KIF7: variants seen among roughly 807,000 people sequenced by gnomAD.
KIF7 encodes the protein kinesin-like protein KIF7.
In KIF7, 104 loss-of-function variants were observed where a neutral mutation model predicts 135.7. The ratio of observed to expected loss-of-function variants is 0.77; its 90% CI spans 0.65 to 0.90. KIF7 has a LOEUF of 0.90. KIF7 is among the 40% of genes least tolerant of loss of function. The pLI is 0.00. For synonymous variants in KIF7, 883 were observed against 809.4 expected, an observed-to-expected ratio of 1.09 and a Z score of -1.54; for missense variants, 2,005 against 1,839.1, an observed-to-expected ratio of 1.09 and a Z score of -1.65.
chr15:89,636,911 T>C (rs1405937800), intron 11 of KIF7, among the ~76,000 whole-genome samples: 2 of 145,538 alleles, frequency 1.4e-5, no homozygotes, highest in South Asian at 2.3e-4. Flanking sequence ...TATTCCAAAA[T>C]TGACCACATA....
At chr15:89,632,730 T>C in intron 14 of KIF7, 90 bp downstream of exon 14, 1 of 1,410,346 alleles carries the variant, frequency 7.1e-7, no homozygotes, top group South Asian at 1.2e-5. Context: ...AGAAACTTAC[T>C]TGGCAGGAGC....
chr15:89,637,451 G>A (rs1963832951), intron 11 of KIF7, among the ~76,000 whole-genome samples: 2 of 152,028 alleles, frequency 1.3e-5, no homozygotes, highest in Middle Eastern at 3.4e-3. Flanking sequence ...AAAGAGAGAA[G>A]AATCAAATAG....
upstream of KIF7, among the ~76,000 whole-genome samples, chr15:89,658,619 T>C (rs1209515491): frequency 3.3e-5 from 5 of 151,980 alleles, no homozygotes; most frequent in African/African-American, 1.2e-4. Flanking sequence ...TCCCAGCACT[T>C]TGGGAGGCTG....
chr15:89,658,182 G>A (rs901152041), upstream of KIF7, among the ~76,000 whole-genome samples: 5 of 152,206 alleles, frequency 3.3e-5, no homozygotes, highest in African/African-American at 9.7e-5. Context: ...TGAGTATGGT[G>A]GCTCATGCCT....
rs1015772039 is a variant in KIF7, at chr15:89,649,834, G to A, written c.436C>T (p.Leu146=). Residue 146 remains leucine (L), a synonymous_variant, in exon 3 of 19, where the codon CTG becomes TTG. Coordinates refer to ENST00000394412, the MANE Select transcript of KIF7 (RefSeq NM_198525.3). The part of the protein sequence containing the change: ...LLDCLVHVSY[L]EVYKEEFRDL... ...CGGAACTCCTCCTTGTACACTTCCA[G>A]GTAGGACACATGTACCAGACAGTCA... is the stretch of plus-strand genomic sequence containing the variant. 6 of 1,551,688 alleles carry A rather than the reference G, an allele frequency of 3.9e-6. No homozygotes were observed. Among genetic ancestry groups the A allele is most frequent in the Non-Finnish European group, 5.2e-6 (6 of 1,147,016 alleles).
downstream of KIF7, chr15:89,627,140 CA>C (rs1266253196): frequency 6.2e-7 from 1 of 1,603,420 alleles, no homozygotes; most frequent in Non-Finnish European, 8.5e-7. Context: ...ACCCTGTGGA[CA>C]TAAAGAAGTT....
intron 11 of KIF7, 137 bp from the exon 12 acceptor site, chr15:89,634,020 C>T (rs548296426): frequency 7.5e-5 from 68 of 912,688 alleles, no homozygotes; most frequent in African/African-American, 3.4e-4. Context: ...TAACAGAGGC[C>T]GGGTGCGGTG....
downstream of KIF7, among the ~76,000 whole-genome samples, chr15:89,623,386 A>T (rs1222615651): frequency 6.6e-6 from 1 of 152,266 alleles, no homozygotes; most frequent in Non-Finnish European, 1.5e-5. Flanking sequence ...TAGATTATTA[A>T]AATTATTTGT....
Position 89,649,936 on chromosome 15 carries a change from G to T in KIF7, c.334C>A (p.Leu112Ile). The T allele has an allele frequency of 5.2e-6, 8 of 1,550,782 alleles. 1 individual carries two copies. In the South Asian group the frequency reaches 8.3e-5, roughly 16 times the overall value. The stretch of plus-strand genomic sequence containing the variant: ...ACAATGCCCTGCTCATCCTCAAGGA[G>T]GGAGGCTGGGGAGACACCGCAGGGC... The part of the protein sequence containing the change: ...YTMGEASVAS[L>I]LEDEQGIVPR... The change falls in exon 3 of 19, where the codon CTC becomes ATC. Residue 112 changes from leucine (L) to isoleucine (I), a missense_variant. By Grantham distance (5) the Leu-to-Ile change is conservative (BLOSUM62 2). Coordinates refer to ENST00000394412, the MANE Select transcript of KIF7 (RefSeq NM_198525.3).
chr15:89,659,403 AAAG>A (rs1205848583), upstream of KIF7, among the ~76,000 whole-genome samples: 3 of 151,836 alleles, frequency 2.0e-5, no homozygotes, highest in African/African-American at 4.8e-5. Context: ...CCTGTCTCAA[AAAG>A]AAGAAGGAAA....
intron 1 of KIF7, among the ~76,000 whole-genome samples, chr15:89,621,209 T>C (rs901046193): frequency 2.6e-5 from 4 of 151,104 alleles, no homozygotes; most frequent in African/African-American, 7.3e-5. Context: ...TCAGTAGAGA[T>C]GGTGTTTCGC....
At chr15:89,619,778 T>G in intron 1 of KIF7, 1 of 1,614,046 alleles carries the variant, frequency 6.2e-7, no homozygotes, top group Non-Finnish European at 8.5e-7. Flanking sequence ...CCTCCTTCTA[T>G]TCTGTGTCTC....
At chr15:89,627,401 G>A (rs1963552574), downstream of KIF7, 2 of 330,454 alleles carry the variant, frequency 6.1e-6, no homozygotes, top group Admixed American at 4.4e-5. Context: ...AAGTCAGGGG[G>A]CCACTCTGCC....
chr15:89,654,231 G>C (rs990696982), intron 1 of KIF7, among the ~76,000 whole-genome samples: 1 of 151,774 alleles, frequency 6.6e-6, no homozygotes, highest in African/African-American at 2.4e-5. Flanking sequence ...GGATGGTCTC[G>C]ATCTCCTGAC....
At chr15:89,629,724 C>A in intron 16 of KIF7, 151 bp from the exon 17 acceptor site, 3 of 988,044 alleles carry the variant, frequency 3.0e-6, no homozygotes, top group Non-Finnish European at 4.5e-6. Flanking sequence ...CAGCCTCAGA[C>A]ACCTCAGCAG....
rs774024440 is a variant in KIF7, at chr15:89,629,513, G to C, written c.3379C>G (p.Gln1127Glu). Residue 1127 changes from glutamine to glutamate, a missense_variant, in exon 17 of 19, where the codon CAG (glutamine) becomes GAG (glutamate). Gln to Glu is a conservative substitution (Grantham distance 29). Coordinates refer to ENST00000394412, the MANE Select transcript of KIF7 (RefSeq NM_198525.3). ...ACCAGCCTCTGCTGCTCCTCCAGCT[G>C]CATCTCCAGTTCCGAGAAGGCAATC... is the stretch of plus-strand genomic sequence containing the variant. ...QQIAFSELEMQLEEQQRLVYW... is the reference protein window; with the variant it reads ...QQIAFSELEMELEEQQRLVYW... The C allele has an allele frequency of 4.3e-6, 7 of 1,610,982 alleles. No individual in the cohort carries two copies. Among genetic ancestry groups the C allele is most frequent in the Non-Finnish European group, 3.4e-6 (4 of 1,180,006 alleles).
In KIF7 at chr15:89,646,868, G is replaced by T; in HGVS notation, c.1750C>A (p.Leu584Ile). The T allele has an allele frequency of 6.2e-7, 1 of 1,614,106 alleles. No individual in the cohort carries two copies. The highest frequency in any genetic ancestry group is 1.1e-5 in the South Asian group (1 of 91,082). The change falls in exon 7 of 19, where the codon CTC becomes ATC. Residue 584 changes from leucine (L) to isoleucine (I), a missense_variant. Coordinates refer to ENST00000394412, the MANE Select transcript of KIF7 (RefSeq NM_198525.3). ...HVLGMVPPAC[L>I]PGDEVGSEQR... Reference sequence around the variant, plus strand: ...TCAGAGCCAACTTCATCTCCAGGGAGGCAGGCAGGCGGCACCATGCCCAGC... The same window carrying T: ...TCAGAGCCAACTTCATCTCCAGGGATGCAGGCAGGCGGCACCATGCCCAGC...
downstream of KIF7, chr15:89,625,780 G>C: frequency 1.9e-6 from 3 of 1,595,992 alleles, no homozygotes; most frequent in Non-Finnish European, 1.7e-6. Context: ...AGAGGTGTTT[G>C]TTTCCGGTGA....
intron 11 of KIF7, among the ~76,000 whole-genome samples, chr15:89,635,868 CAT>C (rs1378230977): frequency 6.6e-6 from 1 of 152,040 alleles, no homozygotes; most frequent in African/African-American, 2.4e-5. Flanking sequence ...CTCCAAGACA[CAT>C]AATTGTCAGA....
Sources: allele counts gnomAD v4.1 joint callset (sites outside exome capture counted in the v4.1 genomes callset), GRCh38; gene constraint gnomAD v4.1.1; transcripts MANE v1.5; gene names NCBI Gene and HGNC (gene_info 2026-07-23, HGNC 2026-07-21).